B4GALNT3: variants seen among roughly 807,000 people sequenced by gnomAD.
The protein encoded by B4GALNT3 is beta-1,4-N-acetylgalactosaminyltransferase 3.
Under a neutral mutation model 120.2 loss-of-function variants are expected in B4GALNT3, and 86 were observed. That is an observed-to-expected ratio of 0.72 (90% CI 0.60 to 0.86). B4GALNT3 has a LOEUF of 0.86. B4GALNT3 is among the 40% of genes least tolerant of loss of function. B4GALNT3 has a pLI of 0.00. For missense variants in B4GALNT3, 1,167 were observed against 1,298.9 expected (o/e 0.90, Z 1.56); for synonymous variants, 518 against 510.4 (o/e 1.01, Z -0.20).
chr12:493,835 T>C (rs1946366016), intron 1 of B4GALNT3, among the ~76,000 whole-genome samples: 1 of 152,216 alleles, frequency 6.6e-6, no homozygotes, highest in Non-Finnish European at 1.5e-5. Context: ...GGGGTGAGTT[T>C]TATTAATATC....
intron 1 of B4GALNT3, among the ~76,000 whole-genome samples, chr12:495,539 G>T (rs1946380451): frequency 6.6e-6 from 1 of 152,206 alleles, no homozygotes; most frequent in African/African-American, 2.4e-5. Flanking sequence ...GGAAGTACCT[G>T]CTGTGTTTCT....
At chr12:559,179 C>T (rs2535406) in intron 18 of B4GALNT3, 116 bp from the exon 19 acceptor site, 1 of 1,402,430 alleles carries the variant, frequency 7.1e-7, no homozygotes, top group African/African-American at 1.4e-5. Flanking sequence ...TTTCAGCCTC[C>T]CTCAACCCCA....
chr12:556,741 G>C lies in B4GALNT3; in HGVS notation c.2255G>C (p.Gly752Ala). ...GAGGTCGAGGCCCGGAACCTGCAAG[G>C]CCTGGTCTGGGACCCACACAACCGT... ...GEEVEARNLQ[G>A]LVWDPHNRRR... Residue 752 changes from glycine (G) to alanine (A), a missense_variant, in exon 15 of 20, where the codon GGC (glycine) becomes GCC (alanine). Coordinates refer to ENST00000266383, the MANE Select transcript of B4GALNT3 (RefSeq NM_173593.4). 6.2e-7 allele frequency: 1 copy of C among 1,612,768 alleles called. No homozygotes were observed. Among genetic ancestry groups the C allele is most frequent in the Non-Finnish European group, 8.5e-7 (1 of 1,179,130 alleles).
chr12:462,289 A>G lies in B4GALNT3; in HGVS notation c.169+1744A>G, dbSNP rs76732825. ...GGGATCTTGTGCACAAATTAAAAAC[A>G]GAGAGAAAGGCAGTTGCTTTGTGAC... On this transcript the variant is annotated intron_variant, in intron 1 of 19. Transcript: ENST00000266383. Among the ~76,000 whole-genome samples the G allele has an allele frequency of 2.5e-3, 374 of 151,978 alleles. 6 individuals are homozygous for G. The East Asian group carries it at 0.046, about 19-fold the overall frequency.
intron 1 of B4GALNT3, among the ~76,000 whole-genome samples, chr12:485,903 C>G (rs1327528081): frequency 6.6e-6 from 1 of 152,160 alleles, no homozygotes; most frequent in Non-Finnish European, 1.5e-5. Context: ...GTCCCCAAAA[C>G]TGGGGAGACA....
intron 7 of B4GALNT3, 144 bp from the exon 8 acceptor site, chr12:547,880 C>G (rs555353645): frequency 2.9e-6 from 2 of 682,614 alleles, no homozygotes; most frequent in Admixed American, 2.3e-5. Context: ...AGTGGGGGCT[C>G]GAACCTAGGC....
At chr12:531,347 C>T (rs1256591508) in intron 1 of B4GALNT3, among the ~76,000 whole-genome samples, 1 of 152,154 alleles carries the variant, frequency 6.6e-6, no homozygotes, top group African/African-American at 2.4e-5. Flanking sequence ...GCTTACTACT[C>T]TGGTCAATAA....
chr12:513,471 G>A (rs1422540804), intron 1 of B4GALNT3, among the ~76,000 whole-genome samples: 2 of 152,200 alleles, frequency 1.3e-5, no homozygotes, highest in East Asian at 3.8e-4. Context: ...TTTGTAAACT[G>A]TCATGGTGCT....
At chr12:541,809 G>A (rs1592049483) in intron 3 of B4GALNT3, among the ~76,000 whole-genome samples, 3 of 148,818 alleles carry the variant, frequency 2.0e-5, no homozygotes, top group East Asian at 2.0e-4. Context: ...TGCCTCCCTC[G>A]GCCCTCCTCT....
intron 1 of B4GALNT3, among the ~76,000 whole-genome samples, chr12:466,467 T>C (rs12426898): frequency 0.15 from 22,163 of 152,210 alleles, 2,454 homozygotes; most frequent in East Asian, 0.31. Flanking sequence ...GATTATGTGG[T>C]CTCAACTAGG....
intron 1 of B4GALNT3, among the ~76,000 whole-genome samples, chr12:484,951 C>T (rs759049062): frequency 1.3e-5 from 2 of 152,064 alleles, no homozygotes; most frequent in Non-Finnish European, 2.9e-5. Flanking sequence ...TCAGGAGATA[C>T]AAGGAAGTGT....
chr12:508,932 A>G (rs1259709292), intron 1 of B4GALNT3, among the ~76,000 whole-genome samples: 1 of 152,246 alleles, frequency 6.6e-6, no homozygotes, highest in Non-Finnish European at 1.5e-5. Flanking sequence ...TGAGGTTGGC[A>G]GGACAGCGTG....
chr12:511,482 T>TCCACCTTCCACCTTCTACCTTC (rs1555154929), intron 1 of B4GALNT3, among the ~76,000 whole-genome samples: 1 of 66,230 alleles, frequency 1.5e-5, no homozygotes, highest in East Asian at 5.5e-4. Context: ...TCTTCCACCT[T>TCCACCTTCCACCTTCTACCTTC]CTTCCACCTT....
In B4GALNT3 at chr12:527,100, G is replaced by GT. The variant is rs199977790; in HGVS notation, c.170-8058dup. On this transcript the variant is annotated intron_variant, in intron 1 of 19. Transcript: ENST00000266383. ...CTAGTTTTTTGTTTTGTTTTGTTTTGTTTTTTTTAAAGAAACGAGGTTTCA... is the reference window on the plus strand; with the variant it reads ...CTAGTTTTTTGTTTTGTTTTGTTTTGTTTTTTTTTAAAGAAACGAGGTTTCA... 5.3e-5 allele frequency among the ~76,000 whole-genome samples: 8 copies of GT among 151,722 alleles called. No individual in the cohort carries two copies. The South Asian group carries it at 1.0e-3, about 20-fold the overall frequency.
intron 1 of B4GALNT3, among the ~76,000 whole-genome samples, chr12:485,943 C>G (rs1946286455): frequency 6.6e-6 from 1 of 152,220 alleles, no homozygotes; most frequent in South Asian, 2.1e-4. Flanking sequence ...TCACAACTTA[C>G]CAAAGCAGAA....
rs754728118 is a variant in B4GALNT3, at chr12:556,639, A to G, written c.2153A>G (p.Gln718Arg). 1 of 1,614,040 alleles carries G rather than the reference A, an allele frequency of 6.2e-7. No homozygotes were observed. The highest frequency in any genetic ancestry group is 1.1e-5 in the South Asian group (1 of 91,076). The change falls in exon 15 of 20, where the codon CAA (glutamine) becomes CGA (arginine). Residue 718 changes from glutamine to arginine, a missense_variant. By Grantham distance (43) the Gln-to-Arg change is conservative. Coordinates refer to ENST00000266383, the MANE Select transcript of B4GALNT3 (RefSeq NM_173593.4). ...RYLLELELLE[Q>R]GQRVVRLSEY... ...CTCCTGGAGCTTGAACTGTTGGAAC[A>G]AGGCCAGCGCGTGGTGCGGCTCTCG...
chr12:467,797 T>C (rs1946096365), intron 1 of B4GALNT3, among the ~76,000 whole-genome samples: 1 of 152,192 alleles, frequency 6.6e-6, no homozygotes, highest in African/African-American at 2.4e-5. Flanking sequence ...TTGAGAACTG[T>C]TGCTCATTCC....
intron 1 of B4GALNT3, among the ~76,000 whole-genome samples, chr12:512,228 T>C (rs1946585803): frequency 1.3e-5 from 1 of 74,218 alleles, no homozygotes; most frequent in Non-Finnish European, 2.5e-5. Flanking sequence ...TCCACCTTCT[T>C]CCACCTTCCA....
intron 1 of B4GALNT3, among the ~76,000 whole-genome samples, chr12:493,131 A>G (rs1166764252): frequency 2.0e-5 from 3 of 152,190 alleles, no homozygotes; most frequent in South Asian, 2.1e-4. Flanking sequence ...GCAAAAGACA[A>G]TGTCAAAAAG....
Sources: gnomAD v4.1 joint callset for allele counts (sites outside exome capture counted in the v4.1 genomes callset) on GRCh38, gnomAD v4.1.1 for gene constraint, MANE v1.5 for transcripts, NCBI Gene and HGNC (gene_info 2026-07-23, HGNC 2026-07-21) for gene names.